PRH1: variants seen among roughly 807,000 people sequenced by gnomAD.
The protein encoded by PRH1 is salivary acidic proline-rich phosphoprotein 1/2.
A neutral mutation model predicts 7.9 loss-of-function variants in PRH1; 7 were observed. The ratio of observed to expected loss-of-function variants is 0.89; its 90% CI spans 0.50 to 1.67. The LOEUF (loss-of-function observed/expected upper bound fraction) is 1.67. Ranked by LOEUF, PRH1 falls within the 40% of genes most tolerant of loss-of-function variation. The pLI is 0.00. For synonymous variants in PRH1, 45 were observed against 80.8 expected (o/e 0.56, Z 2.38); for missense variants, 109 against 223.6 (o/e 0.49, Z 3.27).
intron 1 of PRH1, among the ~76,000 whole-genome samples, chr12:11,013,448 C>G (rs1349021185): frequency 6.6e-6 from 1 of 151,918 alleles, no homozygotes; most frequent in African/African-American, 2.4e-5. Flanking sequence ...CAAAAAATAA[C>G]TCATATTTAA....
chr12:11,058,484 C>T (rs1943454941), intron 1 of PRH1, among the ~76,000 whole-genome samples: 1 of 152,270 alleles, frequency 6.6e-6, no homozygotes, highest in African/African-American at 2.4e-5. Context: ...AAAAGAGACA[C>T]AGTGTTTTGG....
chr12:10,938,901 G>C (rs772575816), intron 2 of PRH1: 12 of 1,613,824 alleles, frequency 7.4e-6, no homozygotes, highest in Non-Finnish European at 8.5e-6. Flanking sequence ...AAAGTACCGA[G>C]GCCTGTAGCT....
chr12:10,900,699 G>T (rs538617193), intron 2 of PRH1, among the ~76,000 whole-genome samples: 1 of 152,342 alleles, frequency 6.6e-6, no homozygotes, highest in African/African-American at 2.4e-5. Flanking sequence ...CCCTGTGATT[G>T]TGGTGCAGCA....
chr12:11,125,572 G>A (rs1167006383), intron 1 of PRH1, among the ~76,000 whole-genome samples: 2 of 152,386 alleles, frequency 1.3e-5, no homozygotes, highest in African/African-American at 2.4e-5. Context: ...CAAAAAATTT[G>A]TAGTATCAAA....
chr12:11,127,021 T>C (rs1212786094), intron 1 of PRH1, among the ~76,000 whole-genome samples: 10 of 152,312 alleles, frequency 6.6e-5, no homozygotes. Flanking sequence ...CTGACCTTAA[T>C]TTCTATGTGC....
intron 1 of PRH1, among the ~76,000 whole-genome samples, chr12:11,043,400 C>T (rs1942789709): frequency 6.6e-6 from 1 of 152,118 alleles, no homozygotes; most frequent in South Asian, 2.1e-4. Context: ...AAAATGCTCA[C>T]AATCACTGCT....
At chr12:11,004,604 A>G (rs1940744788) in intron 1 of PRH1, among the ~76,000 whole-genome samples, 2 of 152,098 alleles carry the variant, frequency 1.3e-5, no homozygotes, top group Admixed American at 1.3e-4. Flanking sequence ...TCTTAATTCT[A>G]TGACTATAAT....
chr12:11,031,842 G>A (rs1223008127), intron 1 of PRH1, among the ~76,000 whole-genome samples: 1 of 152,188 alleles, frequency 6.6e-6, no homozygotes, highest in Non-Finnish European at 1.5e-5. Context: ...ACTCGATTCA[G>A]AAAGTATAGC....
chr12:11,113,057 AAG>A (rs1185794596), intron 1 of PRH1, among the ~76,000 whole-genome samples: 1 of 152,174 alleles, frequency 6.6e-6, no homozygotes, highest in Admixed American at 6.5e-5. Context: ...AATTGCTACA[AAG>A]AGAATAAAAT....
At chr12:11,039,884 A>G (rs1462312916) in intron 1 of PRH1, among the ~76,000 whole-genome samples, 1 of 81,148 alleles carries the variant, frequency 1.2e-5, no homozygotes, top group African/African-American at 3.0e-5. Context: ...CTGTCCTCTA[A>G]TTTCCAAAAT....
intron 2 of PRH1, chr12:10,965,010 T>G (rs1452669896): frequency 3.8e-6 from 3 of 797,536 alleles, no homozygotes; most frequent in Admixed American, 4.0e-5. Context: ...AAAATAAAGT[T>G]GGAGAAATTG....
chr12:11,168,052 C>A (rs903587239), intron 1 of PRH1, among the ~76,000 whole-genome samples: 4 of 151,432 alleles, frequency 2.6e-5, no homozygotes, highest in African/African-American at 9.7e-5. Flanking sequence ...AAATGTGTTT[C>A]ATTGTCTAAA....
intron 1 of PRH1, among the ~76,000 whole-genome samples, chr12:11,150,301 C>G (rs1947029255): frequency 6.6e-6 from 1 of 151,838 alleles, no homozygotes; most frequent in South Asian, 2.1e-4. Flanking sequence ...ACCATTTGAC[C>G]CAGCCATCCC....
At chr12:11,091,143 T>TATA (rs1565644368) in intron 1 of PRH1, 4 of 61,268 alleles carry the variant, frequency 6.5e-5, no homozygotes, top group Non-Finnish European at 1.2e-4. Flanking sequence ...TATATATATA[T>TATA]TTTCTAGACT....
intron 1 of PRH1, among the ~76,000 whole-genome samples, chr12:11,122,720 T>G (rs1172295850): frequency 1.3e-5 from 2 of 152,278 alleles, no homozygotes; most frequent in African/African-American, 4.8e-5. Flanking sequence ...AATAGTGGAT[T>G]TTTCCCTTCA....
In PRH1 at chr12:10,913,978, C is replaced by A. The variant is rs116519503; in HGVS notation, c.-58-29703G>T. Among the ~76,000 whole-genome samples, 524 of 152,316 alleles carry A rather than the reference C, an allele frequency of 3.4e-3. 4 individuals carry two copies. The highest frequency in any genetic ancestry group is 0.011 in the African/African-American group (471 of 41,570). On this transcript the variant is annotated intron_variant, in intron 2 of 3. Coordinates refer to the PRH1 transcript ENST00000539853. ...GTTAGTACAGCATAGACTAAGCTAT[C>A]TTGGCAAGTATGAGACTGGCCTCTT...
At chr12:11,065,080 T>C (rs1943754303) in intron 1 of PRH1, among the ~76,000 whole-genome samples, 1 of 152,046 alleles carries the variant, frequency 6.6e-6, no homozygotes, top group Non-Finnish European at 1.5e-5. Context: ...TTCTATTATC[T>C]GAAAAAAATA....
intron 1 of PRH1, among the ~76,000 whole-genome samples, chr12:11,149,835 C>A (rs71453436): frequency 0.28 from 26,257 of 94,784 alleles, 4,666 homozygotes; most frequent in Non-Finnish European, 0.36. Flanking sequence ...TCATTAAACT[C>A]AAGAGCTTCT....
At chr12:11,060,558 G>C (rs1026074716) in intron 1 of PRH1, among the ~76,000 whole-genome samples, 2 of 152,006 alleles carry the variant, frequency 1.3e-5, no homozygotes, top group African/African-American at 4.8e-5. Flanking sequence ...TAATCCAAAA[G>C]CTGGAAGAAA....
Sources: gnomAD v4.1 joint callset for allele counts (sites outside exome capture counted in the v4.1 genomes callset) on GRCh38, gnomAD v4.1.1 for gene constraint, MANE v1.5 for transcripts, NCBI Gene and HGNC (gene_info 2026-07-23, HGNC 2026-07-21) for gene names.